HEMK2: variants seen among roughly 807,000 people sequenced by gnomAD.
HEMK2 encodes HemK methyltransferase 2, ETF1 glutamine and histone H4 lysine.
the HEMK2 span, among the ~76,000 whole-genome samples, chr21:28,592,706 T>C: frequency 6.6e-6 from 1 of 152,202 alleles, no homozygotes; most frequent in Non-Finnish European, 1.5e-5. Flanking sequence ...AAATACAGCA[T>C]ACAATAAGCT....
At chr21:28,620,648 C>A in the HEMK2 span, among the ~76,000 whole-genome samples, 1 of 90,230 alleles carries the variant, frequency 1.1e-5, no homozygotes, top group South Asian at 3.8e-4. Context: ...CTATGTGATT[C>A]TTCTCTCTTT....
At chr21:28,808,411 C>CAAA in the HEMK2 span, among the ~76,000 whole-genome samples, 1,600 of 126,884 alleles carry the variant, frequency 0.013, 25 homozygotes, top group African/African-American at 0.044. Context: ...TCTACCCTTC[C>CAAA]AAAAAAAAAA....
the HEMK2 span, among the ~76,000 whole-genome samples, chr21:28,833,260 A>T: frequency 6.6e-6 from 1 of 152,258 alleles, no homozygotes. Context: ...ACAGAATTTT[A>T]GCCACCTTTG....
At chr21:28,748,346 C>A in the HEMK2 span, among the ~76,000 whole-genome samples, 5 of 152,080 alleles carry the variant, frequency 3.3e-5, no homozygotes, top group South Asian at 2.1e-4. Flanking sequence ...TGATATTCAC[C>A]TTTTACTATA....
the HEMK2 span, among the ~76,000 whole-genome samples, chr21:28,794,176 C>T: frequency 6.6e-6 from 1 of 152,074 alleles, no homozygotes; most frequent in Non-Finnish European, 1.5e-5. Flanking sequence ...AAATTCATTG[C>T]TCTACAATAT....
chr21:28,838,644 T>C, the HEMK2 span, among the ~76,000 whole-genome samples: 1 of 145,224 alleles, frequency 6.9e-6, no homozygotes, highest in Non-Finnish European at 1.5e-5. Flanking sequence ...CAACAATATA[T>C]AAAAAAGATC....
the HEMK2 span, among the ~76,000 whole-genome samples, chr21:28,797,471 A>T: frequency 2.0e-5 from 2 of 99,478 alleles, no homozygotes; most frequent in Admixed American, 1.1e-4. Context: ...ACAAACAAAA[A>T]AACAAATTAG....
At chr21:28,653,808 T>G in the HEMK2 span, among the ~76,000 whole-genome samples, 1 of 152,136 alleles carries the variant, frequency 6.6e-6, no homozygotes, top group African/African-American at 2.4e-5. Context: ...GTCTAATGCA[T>G]GCACTAGCAA....
the HEMK2 span, chr21:28,670,845 G>GATCTTGGTGTGAACTCTCTC: frequency 6.6e-6 from 1 of 152,182 alleles, no homozygotes; most frequent in African/African-American, 2.4e-5. Context: ...AAAACTGTCA[G>GATCTTGGTGTGAACTCTCTC]ATCTTGGTGT....
At chr21:28,640,601 G>A in the HEMK2 span, among the ~76,000 whole-genome samples, 1,623 of 152,282 alleles carry the variant, frequency 0.011, 25 homozygotes, top group African/African-American at 0.037. Context: ...CCCTGCATCT[G>A]CAGAAATCTA....
the HEMK2 span, among the ~76,000 whole-genome samples, chr21:28,642,401 C>G: frequency 9.7e-4 from 147 of 152,302 alleles, no homozygotes; most frequent in African/African-American, 3.5e-3. Context: ...CCGGAGTGAA[C>G]AAATGCTGGA....
the HEMK2 span, among the ~76,000 whole-genome samples, chr21:28,693,129 T>C: frequency 1.3e-5 from 2 of 152,172 alleles, no homozygotes; most frequent in Admixed American, 6.5e-5. Context: ...ATGTACACTT[T>C]AAAAGGGGGG....
At chr21:28,693,775 G>A in the HEMK2 span, among the ~76,000 whole-genome samples, 14 of 152,012 alleles carry the variant, frequency 9.2e-5, no homozygotes, top group Admixed American at 9.2e-4. Context: ...TGACACATTG[G>A]CAATCTCATC....
At chr21:28,842,111 G>A in the HEMK2 span, among the ~76,000 whole-genome samples, 5 of 152,054 alleles carry the variant, frequency 3.3e-5, no homozygotes, top group Non-Finnish European at 7.4e-5. Flanking sequence ...GTGGTCTTAG[G>A]GATAGATGCC....
chr21:28,831,466 A>AG, the HEMK2 span, among the ~76,000 whole-genome samples: 1 of 27,446 alleles, frequency 3.6e-5, no homozygotes, highest in Admixed American at 4.8e-4. Context: ...AAAGAACGAA[A>AG]GAAAGAAAGA....
the HEMK2 span, among the ~76,000 whole-genome samples, chr21:28,720,018 C>T: frequency 6.6e-6 from 1 of 152,184 alleles, no homozygotes; most frequent in Non-Finnish European, 1.5e-5. Context: ...CTATTTACTG[C>T]CCTGTTTTTT....
the HEMK2 span, among the ~76,000 whole-genome samples, chr21:28,607,851 T>C: frequency 0.011 from 1,640 of 152,300 alleles, 42 homozygotes; most frequent in African/African-American, 0.038. Context: ...ATTGCAAACA[T>C]TGAAAATTAG....
chr21:28,825,364 C>T, the HEMK2 span, among the ~76,000 whole-genome samples: 9 of 152,292 alleles, frequency 5.9e-5, no homozygotes, highest in African/African-American at 2.2e-4. Context: ...GCCTTGAGAA[C>T]CACTGCTCTA....
chr21:28,643,238 T>A, the HEMK2 span, among the ~76,000 whole-genome samples: 4 of 152,212 alleles, frequency 2.6e-5, no homozygotes, highest in Non-Finnish European at 4.4e-5. Context: ...TATGCAGAAA[T>A]CTTCACCCTT....
Sources: gnomAD v4.1 joint callset for allele counts (sites outside exome capture counted in the v4.1 genomes callset) on GRCh38, gnomAD v4.1.1 for gene constraint, MANE v1.5 for transcripts, NCBI Gene and HGNC (gene_info 2026-07-23, HGNC 2026-07-21) for gene names.